The following KPNA4 variants were observed in gnomAD, a reference collection of about 807,000 sequenced individuals.
KPNA4 encodes the protein importin subunit alpha-3.
A neutral mutation model predicts 71.3 loss-of-function variants in KPNA4; 13 were observed. The ratio of observed to expected loss-of-function variants is 0.18; its 90% CI spans 0.12 to 0.29. The LOEUF (loss-of-function observed/expected upper bound fraction) is 0.29, where lower values mean the gene tolerates loss of function less well. Among genes scored for constraint, KPNA4 ranks in the 10% least tolerant of loss-of-function variants. KPNA4 has a pLI of 1.00. For missense variants in KPNA4, 334 were observed against 603.2 expected, an observed-to-expected ratio of 0.55 and a Z score of 4.67; for synonymous variants, 189 against 195.2, an observed-to-expected ratio of 0.97 and a Z score of 0.26.
At chr3:160,504,232 ATACT>A (rs1720938816) in intron 16 of KPNA4, among the ~76,000 whole-genome samples, 1 of 152,186 alleles carries the variant, frequency 6.6e-6, no homozygotes, top group Non-Finnish European at 1.5e-5. Flanking sequence ...CAAACTATAC[ATACT>A]TAACAAAATG....
chr3:160,498,934 CTT>C lies in KPNA4; in HGVS notation c.*3168_*3169del, dbSNP rs1347654742. 6.6e-6 allele frequency: 1 copy of C among 152,212 alleles called. No individual in the cohort carries two copies. Among genetic ancestry groups the C allele is most frequent in the East Asian group, 1.9e-4 (1 of 5,200 alleles). 9.4% of individuals were successfully genotyped at this position (152,212 alleles called of 1,614,324 possible). A position where few individuals can be genotyped will look rare whatever the true frequency, so the allele number is the denominator to read the frequency against. Reference sequence around the variant, plus strand: ...TCAAAATTTAGCTTAATCTCTGTAACTTTTTCCTTGAGGAAACTGAGGCAATG... The same window carrying C: ...TCAAAATTTAGCTTAATCTCTGTAACTTTCCTTGAGGAAACTGAGGCAATG... On this transcript the variant is annotated 3_prime_UTR_variant, in exon 17 of 17. Transcript: ENST00000334256.
At chr3:160,548,657 C>A (rs1045669170) in intron 1 of KPNA4, among the ~76,000 whole-genome samples, 11 of 152,064 alleles carry the variant, frequency 7.2e-5, no homozygotes, top group African/African-American at 2.7e-4. Flanking sequence ...AAATAATATT[C>A]CACTGTATGT....
intron 1 of KPNA4, among the ~76,000 whole-genome samples, chr3:160,550,716 C>G (rs1192464084): frequency 6.6e-6 from 1 of 152,170 alleles, no homozygotes; most frequent in East Asian, 1.9e-4. Flanking sequence ...TGAAAGGGCA[C>G]TGAATTTTGT....
chr3:160,528,439 C>G (rs138150186), intron 7 of KPNA4, among the ~76,000 whole-genome samples: 1 of 152,060 alleles, frequency 6.6e-6, no homozygotes, highest in East Asian at 1.9e-4. Flanking sequence ...AATCTTGGCT[C>G]ACTGCAACCT....
At chr3:160,505,803 A>G (rs1720972422) in intron 15 of KPNA4, among the ~76,000 whole-genome samples, 1 of 152,204 alleles carries the variant, frequency 6.6e-6, no homozygotes, top group African/African-American at 2.4e-5. Flanking sequence ...GCTACTACAC[A>G]TAGGCTGAGG....
chr3:160,523,961 T>C (rs541819542), intron 10 of KPNA4, among the ~76,000 whole-genome samples: 5 of 152,348 alleles, frequency 3.3e-5, no homozygotes, highest in African/African-American at 1.2e-4. Context: ...TATTAACATA[T>C]GCTAAAATTT....
At chr3:160,536,713 T>C (rs1261985699) in intron 2 of KPNA4, 83 bp downstream of exon 2, 3 of 703,834 alleles carry the variant, frequency 4.3e-6, no homozygotes, top group Middle Eastern at 3.1e-4. Flanking sequence ...CCTAAAAACA[T>C]AATATATATT....
chr3:160,504,052 C>T (rs963792030), intron 16 of KPNA4, among the ~76,000 whole-genome samples: 13 of 152,062 alleles, frequency 8.5e-5, no homozygotes, highest in African/African-American at 3.1e-4. Flanking sequence ...CCAATGCACT[C>T]CAGCCTGGGC....
At chr3:160,560,389 A>G (rs577426544) in intron 1 of KPNA4, among the ~76,000 whole-genome samples, 2 of 152,214 alleles carry the variant, frequency 1.3e-5, no homozygotes, top group South Asian at 4.1e-4. Flanking sequence ...CCCTTCAGTC[A>G]TATTCCTCTT....
chr3:160,552,541 C>T (rs1466738511), intron 1 of KPNA4, among the ~76,000 whole-genome samples: 1 of 152,060 alleles, frequency 6.6e-6, no homozygotes, highest in Non-Finnish European at 1.5e-5. Context: ...TTTCAGGGAG[C>T]TTATAGTCTG....
chr3:160,508,065 G>C lies in KPNA4; in HGVS notation c.1372+42C>G, dbSNP rs1328976384. 7 of 1,467,868 alleles carry C rather than the reference G, an allele frequency of 4.8e-6. No homozygotes were observed. In the African/African-American group the frequency reaches 1.0e-4, roughly 21 times the overall value. 90.9% of individuals were successfully genotyped at this position (1,467,868 alleles called of 1,614,324 possible). On this transcript the variant is annotated intron_variant, in intron 15 of 16. Coordinates refer to ENST00000334256, the MANE Select transcript of KPNA4 (RefSeq NM_002268.5). Reference sequence around the variant, plus strand: ...GTCGGCAAATAAAGGTAGTTACAAAGAGAACATTAAGATGTGGAATAAGAG... The same window carrying C: ...GTCGGCAAATAAAGGTAGTTACAAACAGAACATTAAGATGTGGAATAAGAG...
intron 1 of KPNA4, chr3:160,564,703 G>T: frequency 6.6e-6 from 1 of 152,224 alleles, no homozygotes; most frequent in Non-Finnish European, 1.5e-5. Context: ...CAGAAAAAAT[G>T]CCTTTAAGTG....
intron 1 of KPNA4, among the ~76,000 whole-genome samples, chr3:160,555,144 G>A (rs1722111626): frequency 2.6e-5 from 4 of 152,224 alleles, no homozygotes; most frequent in Non-Finnish European, 5.9e-5. Flanking sequence ...GCAGGCGTCC[G>A]TTGCAGAACT....
At chr3:160,518,810 G>A (rs980118564) in intron 11 of KPNA4, among the ~76,000 whole-genome samples, 1 of 152,016 alleles carries the variant, frequency 6.6e-6, no homozygotes, top group African/African-American at 2.4e-5. Flanking sequence ...GTAATGAGCC[G>A]AGATCATGCC....
chr3:160,509,717 T>C lies in KPNA4; in HGVS notation c.1209+83A>G. 6.0e-6 allele frequency: 6 copies of C among 1,004,030 alleles called. No individual in the cohort carries two copies. In the South Asian group the frequency reaches 7.8e-5, roughly 13 times the overall value. The allele number at this position is 1,004,030 out of a possible 1,614,324, so 62.2% of individuals were successfully genotyped here. On this transcript the variant is annotated intron_variant, in intron 14 of 16. Transcript: ENST00000334256. ...AGGGTGTTGCTATTATTTTAAATTA[T>C]AACTTACTCAAATCTAAATCAATAT... is the stretch of plus-strand genomic sequence containing the variant.
At chr3:160,526,454 C>A (rs1034116489) in intron 8 of KPNA4, among the ~76,000 whole-genome samples, 5 of 152,128 alleles carry the variant, frequency 3.3e-5, no homozygotes, top group African/African-American at 1.2e-4. Flanking sequence ...ACTTATGATC[C>A]CGTATCAGAG....
At chr3:160,513,996 T>C (rs962142043) in intron 13 of KPNA4, 81 bp downstream of exon 13, 85 of 759,074 alleles carry the variant, frequency 1.1e-4, no homozygotes, top group Non-Finnish European at 1.4e-4. Context: ...AAGCAGAAAG[T>C]ATAAATTCAC....
intron 5 of KPNA4, among the ~76,000 whole-genome samples, chr3:160,531,870 G>A (rs972654093): frequency 9.2e-5 from 14 of 152,038 alleles, no homozygotes; most frequent in Non-Finnish European, 8.8e-5. Flanking sequence ...TTGGCTCACT[G>A]CAAGCTCTGC....
At chr3:160,539,364 A>G (rs1721752383) in intron 1 of KPNA4, among the ~76,000 whole-genome samples, 2 of 152,234 alleles carry the variant, frequency 1.3e-5, no homozygotes, top group Admixed American at 6.5e-5. Context: ...CATCTATCTC[A>G]TATAATCATT....
Sources: gnomAD v4.1 joint callset for allele counts (sites outside exome capture counted in the v4.1 genomes callset) on GRCh38, gnomAD v4.1.1 for gene constraint, MANE v1.5 for transcripts, NCBI Gene and HGNC (gene_info 2026-07-23, HGNC 2026-07-21) for gene names.